KIF13A: variants seen among roughly 807,000 people sequenced by gnomAD.
KIF13A encodes kinesin family member 13A.
Under a neutral mutation model 212.2 loss-of-function variants are expected in KIF13A, and 79 were observed. The ratio of observed to expected loss-of-function variants is 0.37; its 90% confidence interval spans 0.31 to 0.45. The LOEUF is 0.45. KIF13A is among the 20% of genes least tolerant of loss of function. The pLI is 1.00. For missense variants in KIF13A, 1,901 were observed against 2,209.0 expected (o/e 0.86, Z 2.79); for synonymous variants, 789 against 808.6 (o/e 0.98, Z 0.41).
In KIF13A at chr6:17,794,664, T is replaced by G; in HGVS notation, c.2983A>C (p.Ile995Leu). 1 of 1,612,542 alleles carries G rather than the reference T, an allele frequency of 6.2e-7. No individual in the cohort carries two copies. The highest frequency in any genetic ancestry group is 8.5e-7 in the Non-Finnish European group (1 of 1,179,518). ...VTRRIEMWISILELNELGEYA... is the reference protein window; with the variant it reads ...VTRRIEMWISLLELNELGEYA... ...TCTCCTAACTCATTCAATTCTAATA[T>G]GGAGATCCACATTTCTATTCTTCGC... Residue 995 changes from isoleucine to leucine, a missense_variant, in exon 24 of 39, where the codon ATA (isoleucine) becomes CTA (leucine). Ile to Leu is a conservative substitution (Grantham distance 5). This residue lies in a region of KIF13A where 168 missense variants were observed against 250.9 expected (regional missense o/e 0.67). Transcript: ENST00000259711. This position sits in a 1 kb window ranked among gnomAD's most constrained non-coding sequence, Gnocchi z 4.1.
rs1023130331 is a variant in KIF13A, at chr6:17,850,206, G to C, written c.717+117C>G. 4.3e-6 allele frequency: 4 copies of C among 937,248 alleles called. No individual in the cohort carries two copies. The highest frequency in any genetic ancestry group is 5.5e-5 in the Admixed American group (2 of 36,064). The allele number at this position is 937,248 out of a possible 1,614,324, so 58.1% of individuals were successfully genotyped here. A position where few individuals can be genotyped will look rare whatever the true frequency, so the allele number is the denominator to read the frequency against. ...ATAAGCAAAGTAGCTCACCTAGTAA[G>C]CAGAAGAGCCAACATACAATTCTCA... is the stretch of plus-strand genomic sequence containing the variant. On this transcript the variant is annotated intron_variant, in intron 8 of 38. Transcript: ENST00000259711. The surrounding 1 kb of genome is among the most constrained non-coding windows in gnomAD (Gnocchi z 6.2).
At chr6:17,766,601 T>G (rs1759012290) in intron 38 of KIF13A, among the ~76,000 whole-genome samples, 1 of 151,986 alleles carries the variant, frequency 6.6e-6, no homozygotes, top group Admixed American at 6.6e-5. Flanking sequence ...GTCACTCAGG[T>G]TGGTGTGCAG....
rs531610741 is a variant in KIF13A, at chr6:17,776,949, C to T, written c.4170+328G>A. On this transcript the variant is annotated intron_variant, in intron 34 of 38. Transcript: ENST00000259711. This position sits in a 1 kb window ranked among gnomAD's most constrained non-coding sequence, Gnocchi z 4.6. ...CAGCTAGAATGGGCACAAAAACTGA[C>T]CCTGGAGCAGCCAGCGTCCAGGGAC... 2.4e-3 allele frequency among the ~76,000 whole-genome samples: 358 copies of T among 152,294 alleles called. No individual in the cohort carries two copies. The highest frequency in any genetic ancestry group is 7.5e-3 in the African/African-American group (313 of 41,564).
chr6:17,814,922 G>T (rs1424522030), intron 17 of KIF13A, among the ~76,000 whole-genome samples: 11 of 152,212 alleles, frequency 7.2e-5, no homozygotes, highest in South Asian at 6.2e-4. Context: ...ACAAGACAAA[G>T]AGATAGAAGA....
At chr6:17,791,521 C>T (rs1344037530) in intron 25 of KIF13A, among the ~76,000 whole-genome samples, 1 of 152,108 alleles carries the variant, frequency 6.6e-6, no homozygotes, top group Non-Finnish European at 1.5e-5. Flanking sequence ...TTAAAGAGCA[C>T]ATAGCACTGG....
intron 17 of KIF13A, among the ~76,000 whole-genome samples, chr6:17,814,788 T>C (rs1763779394): frequency 6.6e-6 from 1 of 152,234 alleles, no homozygotes; most frequent in Non-Finnish European, 1.5e-5. Flanking sequence ...CAATAGCCTA[T>C]TGTCCTTATT....
At position 17,968,232 on chromosome 6, in the gene KIF13A, G is replaced by A. The variant is rs74925670; in HGVS notation, c.146+18822C>T. On this transcript the variant is annotated intron_variant, in intron 2 of 38. Coordinates refer to ENST00000259711, the MANE Select transcript of KIF13A (RefSeq NM_022113.6). This position sits in a 1 kb window ranked among gnomAD's most constrained non-coding sequence, Gnocchi z 4.7. ...CCCGCTTACTCACCAGGAGAAAGAA[G>A]AGTAAGCAGGCCAGCAGCCCTGCCA... is the stretch of plus-strand genomic sequence containing the variant. Among the ~76,000 whole-genome samples, 1 of 152,208 alleles carries A rather than the reference G, an allele frequency of 6.6e-6. No individual in the cohort carries two copies. The highest frequency in any genetic ancestry group is 1.5e-5 in the Non-Finnish European group (1 of 68,032).
chr6:17,952,298 C>T (rs1192904154), intron 2 of KIF13A, among the ~76,000 whole-genome samples: 60 of 100,136 alleles, frequency 6.0e-4, no homozygotes, highest in African/African-American at 1.9e-3. Flanking sequence ...AGCGAGACTC[C>T]GTCTCAAAAA....
At chr6:17,906,997 G>A (rs1050608009) in intron 2 of KIF13A, among the ~76,000 whole-genome samples, 1 of 152,174 alleles carries the variant, frequency 6.6e-6, no homozygotes, top group Non-Finnish European at 1.5e-5. Flanking sequence ...TTCAGAGGTA[G>A]CACATTTCAG....
At chr6:17,847,289 G>A (rs762507563) in intron 9 of KIF13A, among the ~76,000 whole-genome samples, 32 of 152,222 alleles carry the variant, frequency 2.1e-4, no homozygotes, top group Non-Finnish European at 3.7e-4. Flanking sequence ...TCCCCATCCT[G>A]GTTTCTGAAC....
intron 2 of KIF13A, among the ~76,000 whole-genome samples, chr6:17,969,962 A>G (rs1483981766): frequency 2.0e-5 from 3 of 148,778 alleles, no homozygotes; most frequent in Non-Finnish European, 4.4e-5. Context: ...TCGCTCTTTC[A>G]CCCAGGCCGG....
chr6:17,788,006 G>A, intron 26 of KIF13A, 131 bp from the exon 27 acceptor site: 1 of 621,634 alleles, frequency 1.6e-6, no homozygotes, highest in South Asian at 2.1e-5. Flanking sequence ...ATTGCTGTGT[G>A]ATTAATATGC....
Position 17,948,316 on chromosome 6 carries a change from GT to G in KIF13A, c.146+38737del, listed in dbSNP as rs1581819069. Among the ~76,000 whole-genome samples, 5 of 152,264 alleles carry G rather than the reference GT, an allele frequency of 3.3e-5. No homozygotes were observed. The East Asian group carries it at 7.7e-4, about 24-fold the overall frequency. ...CGAGTGGTTTTACATGGCACCAAAAGTGGTGGCACTTTGGGAGAAGACTCTG... is the reference window on the plus strand; with the variant it reads ...CGAGTGGTTTTACATGGCACCAAAAGGGTGGCACTTTGGGAGAAGACTCTG... On this transcript the variant is annotated intron_variant, in intron 2 of 38. Transcript: ENST00000259711.
Position 17,799,254 on chromosome 6 carries a change from T to C in KIF13A, c.2790+12A>G. ...GCTTCCTACACAGCTCATTTGGTAA[T>C]GGCATTTGTACCTTACAGTGGGAGA... On this transcript the variant is annotated intron_variant, in intron 22 of 38. Transcript: ENST00000259711. The surrounding 1 kb of genome is among the most constrained non-coding windows in gnomAD (Gnocchi z 4.4). 5 of 1,543,290 alleles carry C rather than the reference T, an allele frequency of 3.2e-6. No individual in the cohort carries two copies. The highest frequency in any genetic ancestry group is 2.6e-5 in the South Asian group (2 of 78,124).
intron 3 of KIF13A, among the ~76,000 whole-genome samples, chr6:17,876,742 C>T (rs756586261): frequency 6.6e-5 from 10 of 152,158 alleles, no homozygotes; most frequent in Non-Finnish European, 2.9e-5. Context: ...TCAATTGATC[C>T]TACCTCCTCA....
chr6:17,884,488 C>T (rs985571813), intron 3 of KIF13A, among the ~76,000 whole-genome samples: 2 of 152,082 alleles, frequency 1.3e-5, no homozygotes, highest in East Asian at 1.9e-4. Context: ...TCTCTAGGTA[C>T]AGGATAGTGT....
intron 20 of KIF13A, 134 bp downstream of exon 20, chr6:17,804,227 G>T (rs758950249): frequency 3.3e-4 from 208 of 636,508 alleles, no homozygotes; most frequent in Non-Finnish European, 4.9e-4. Context: ...AGAGAAAAAA[G>T]AATGCAGACC....
Position 17,947,510 on chromosome 6 carries a change from T to A in KIF13A, c.146+39544A>T, listed in dbSNP as rs1251773196. Among the ~76,000 whole-genome samples the A allele has an allele frequency of 2.0e-5, 3 of 152,186 alleles. No individual in the cohort carries two copies. Among genetic ancestry groups the A allele is most frequent in the Non-Finnish European group, 1.5e-5 (1 of 68,034 alleles). On this transcript the variant is annotated intron_variant, in intron 2 of 38. Transcript: ENST00000259711. The surrounding 1 kb of genome is among the most constrained non-coding windows in gnomAD (Gnocchi z 4.6). The stretch of plus-strand genomic sequence containing the variant: ...TCAAAACTTCGTTGCCTGTTAAATT[T>A]CCTGAATTTGGTAATAGTCTTAGAA...
At chr6:17,851,932 A>C in intron 7 of KIF13A, 23 bp downstream of exon 7, 1 of 1,297,782 alleles carries the variant, frequency 7.7e-7, no homozygotes, top group Non-Finnish European at 1.0e-6. Flanking sequence ...GCTTTTAATC[A>C]CATTTTAAAA....
Sources: gnomAD v4.1 joint callset for allele counts (sites outside exome capture counted in the v4.1 genomes callset) on GRCh38, gnomAD v4.1.1 for gene constraint, gnomAD v4.1.1 regional missense constraint, Gnocchi (gnomAD v3.1) non-coding constraint, MANE v1.5 for transcripts, NCBI Gene and HGNC (gene_info 2026-07-23, HGNC 2026-07-21) for gene names.